AFDN: variants seen among roughly 807,000 people sequenced by gnomAD.
The protein encoded by AFDN is afadin, adherens junction formation factor, also known as afadin.
Under a neutral mutation model 216.6 loss-of-function variants are expected in AFDN, and 68 were observed. The observed-to-expected ratio is 0.31, with a 90% CI of 0.26 to 0.38. The LOEUF (loss-of-function observed/expected upper bound fraction) is 0.38, where lower values mean the gene tolerates loss of function less well. Among genes scored for constraint, AFDN ranks in the 10% least tolerant of loss-of-function variants. The pLI, the probability that AFDN is intolerant of heterozygous loss-of-function variation, is 1.00. For missense variants in AFDN, 2,136 were observed against 2,342.0 expected (o/e 0.91, Z 1.82); for synonymous variants, 868 against 853.7 (o/e 1.02, Z -0.29).
intron 3 of AFDN, among the ~76,000 whole-genome samples, chr6:167,871,372 A>C (rs929404599): frequency 6.6e-6 from 1 of 152,144 alleles, no homozygotes; most frequent in African/African-American, 2.4e-5. Context: ...ATGCTCTTTC[A>C]TTCTGTATAT....
intron 19 of AFDN, among the ~76,000 whole-genome samples, chr6:167,916,630 A>C (rs2058399665): frequency 6.6e-6 from 1 of 152,210 alleles, no homozygotes; most frequent in South Asian, 2.1e-4. Flanking sequence ...AGTCATCTAC[A>C]GCTTAAAAAC....
At chr6:167,847,468 G>T (rs778791342) in intron 1 of AFDN, among the ~76,000 whole-genome samples, 37 of 152,054 alleles carry the variant, frequency 2.4e-4, no homozygotes, top group Non-Finnish European at 4.0e-4. Context: ...ACTCTCATCG[G>T]CACCGCACTC....
intron 6 of AFDN, among the ~76,000 whole-genome samples, chr6:167,883,244 T>A (rs1175334237): frequency 6.6e-6 from 1 of 152,150 alleles, no homozygotes; most frequent in Non-Finnish European, 1.5e-5. Flanking sequence ...TTGGAGATAA[T>A]GTCCAAGACT....
intron 1 of AFDN, among the ~76,000 whole-genome samples, chr6:167,838,990 G>A (rs955352837): frequency 8.5e-5 from 13 of 152,116 alleles, no homozygotes; most frequent in South Asian, 4.2e-4. Flanking sequence ...TTAATGTAGC[G>A]TTTGCCTTTA....
intron 6 of AFDN, among the ~76,000 whole-genome samples, chr6:167,883,510 C>T (rs897461203): frequency 3.3e-5 from 5 of 152,210 alleles, no homozygotes; most frequent in Non-Finnish European, 7.3e-5. Context: ...TATACAGGCA[C>T]ACCTCAGAGA....
At position 167,971,088 on chromosome 6, in the gene AFDN, A is replaced by G; in HGVS notation, c.*1153A>G. On this transcript the variant is annotated 3_prime_UTR_variant, in exon 34 of 34. Transcript: ENST00000683244. ...GGCTGATGTTGGGGAGACGGACCTC[A>G]GTGTGTTTTATATTGTCTGGTGTTA... The G allele has an allele frequency of 4.5e-6, 1 of 220,856 alleles. No individual in the cohort carries two copies. The highest frequency in any genetic ancestry group is 9.1e-6 in the Non-Finnish European group (1 of 110,326). The allele number at this position is 220,856 out of a possible 1,614,324, so 13.7% of individuals were successfully genotyped here. A position where few individuals can be genotyped will look rare whatever the true frequency, so the allele number is the denominator to read the frequency against.
intron 1 of AFDN, among the ~76,000 whole-genome samples, chr6:167,830,683 T>G (rs958123059): frequency 3.3e-5 from 5 of 152,182 alleles, no homozygotes; most frequent in African/African-American, 1.2e-4. Flanking sequence ...AACCCAGAAT[T>G]TATGTGGACA....
At chr6:167,919,998 TAAA>T (rs1227770228) in intron 21 of AFDN, among the ~76,000 whole-genome samples, 1 of 152,230 alleles carries the variant, frequency 6.6e-6, no homozygotes, top group Non-Finnish European at 1.5e-5. Flanking sequence ...TTCTGATAGT[TAAA>T]AAAATCATTT....
At chr6:167,899,732 A>G (rs1003370701) in intron 11 of AFDN, among the ~76,000 whole-genome samples, 2 of 152,218 alleles carry the variant, frequency 1.3e-5, no homozygotes, top group Non-Finnish European at 2.9e-5. Context: ...GTATTGTCTG[A>G]AACAGTTTCT....
In AFDN at chr6:167,911,904, C is replaced by T. The variant is rs199687102; in HGVS notation, c.2037+415C>T. The T allele has an allele frequency of 9.2e-5, 20 of 218,176 alleles. No individual in the cohort carries two copies. In the East Asian group the frequency reaches 2.1e-3, roughly 23 times the overall value. The allele number at this position is 218,176 out of a possible 1,614,324, so 13.5% of individuals were successfully genotyped here. A position where few individuals can be genotyped will look rare whatever the true frequency, so the allele number is the denominator to read the frequency against. The stretch of plus-strand genomic sequence containing the variant: ...GTCGGTTCCAAAACGTCTCCATCAC[C>T]TCAGAGCGATACCCCTCAAGTAGTT... On this transcript the variant is annotated intron_variant, in intron 15 of 33. Coordinates refer to ENST00000683244, the MANE Select transcript of AFDN (RefSeq NM_001386888.1).
rs1796016791 is a variant in AFDN, at chr6:167,951,795, C to T, written c.4441C>T (p.Gln1481Ter). Residue 1481 changes from glutamine (Q) to a stop codon, truncating the protein, a stop_gained, in exon 30 of 34, where the codon CAG becomes TAG. Transcript: ENST00000683244. LOFTEE classifies it high-confidence loss of function. The surrounding 1 kb of genome is among the most constrained non-coding windows in gnomAD (Gnocchi z 7.1). ...AAAGCCTTCCACACTCCAGCGGCCA[C>T]AGGAAACAGTCATTCGGGAGCTGCA... Reference protein sequence around the residue: ...PEKPSTLQRPQETVIRELQPQ... With the variant: ...PEKPSTLQRP The T allele has an allele frequency of 1.2e-6, 2 of 1,614,062 alleles. No homozygotes were observed. Among genetic ancestry groups the T allele is most frequent in the Non-Finnish European group, 1.7e-6 (2 of 1,180,040 alleles).
chr6:167,966,206 C>A, intron 32 of AFDN, 161 bp downstream of exon 32: 1 of 1,533,728 alleles, frequency 6.5e-7, no homozygotes. Context: ...GTACTGCTCA[C>A]AAAAAAGGCC....
chr6:167,951,795 C>CA lies in AFDN; in HGVS notation c.4442dup (p.Glu1482GlyfsTer106), dbSNP rs1467808975. On this transcript the variant is annotated frameshift_variant, in exon 30 of 34. Transcript: ENST00000683244. LOFTEE classifies it high-confidence loss of function. This position sits in a 1 kb window ranked among gnomAD's most constrained non-coding sequence, Gnocchi z 7.1. ...AAAGCCTTCCACACTCCAGCGGCCA[C>CA]AGGAAACAGTCATTCGGGAGCTGCA... The CA allele has an allele frequency of 6.2e-7, 1 of 1,614,180 alleles. No homozygotes were observed. The highest frequency in any genetic ancestry group is 2.2e-5 in the East Asian group (1 of 44,864).
intron 1 of AFDN, among the ~76,000 whole-genome samples, chr6:167,837,228 T>A (rs139540748): frequency 6.6e-6 from 1 of 152,206 alleles, no homozygotes; most frequent in Non-Finnish European, 1.5e-5. Context: ...GGAGCTAGTA[T>A]GTTTGCTTCA....
In AFDN at chr6:167,826,933, G is replaced by GGCGGC. The variant is rs557330186; in HGVS notation, c.-185_-181dup. ...GGCGCACACCGGCCGGCGGGGCTGA[G>GGCGGC]GCGGCGCGGCGCGGCGCGGACTGAG... On this transcript the variant is annotated 5_prime_UTR_variant, in exon 1 of 34. Coordinates refer to ENST00000683244, the MANE Select transcript of AFDN (RefSeq NM_001386888.1). 0.011 allele frequency: 1,573 copies of GGCGGC among 146,234 alleles called. 22 individuals are homozygous for GGCGGC. The highest frequency in any genetic ancestry group is 0.029 in the African/African-American group (1,196 of 40,560). The allele number at this position is 146,234 out of a possible 1,614,324, so 9.1% of individuals were successfully genotyped here. A position where few individuals can be genotyped will look rare whatever the true frequency, so the allele number is the denominator to read the frequency against.
In AFDN at chr6:167,875,488, T is replaced by G; in HGVS notation, c.732T>G (p.Pro244=). 1 of 1,613,538 alleles carries G rather than the reference T, an allele frequency of 6.2e-7. No homozygotes were observed. The highest frequency in any genetic ancestry group is 1.3e-5 in the African/African-American group (1 of 74,982). Residue 244 remains proline (P), a synonymous_variant, in exon 5 of 34, where the codon CCT becomes CCG. Transcript: ENST00000683244. ...MQEFRSSDGR[P]DSGGTLRIYA... is the part of the protein sequence containing the mutation. Reference sequence around the variant, plus strand: ...AATTTCGGAGCTCAGATGGGCGGCCTGATTCAGGTACAACTTGGTATTTTT... The same window carrying G: ...AATTTCGGAGCTCAGATGGGCGGCCGGATTCAGGTACAACTTGGTATTTTT...
intron 5 of AFDN, among the ~76,000 whole-genome samples, chr6:167,879,754 C>T (rs890678078): frequency 2.6e-5 from 4 of 152,126 alleles, no homozygotes; most frequent in Non-Finnish European, 5.9e-5. Flanking sequence ...CTATAAAGGA[C>T]ATTGTAGTTT....
chr6:167,837,280 T>C (rs1406012102), intron 1 of AFDN, among the ~76,000 whole-genome samples: 2 of 152,214 alleles, frequency 1.3e-5, no homozygotes, highest in South Asian at 2.1e-4. Flanking sequence ...TTCTTTCCAT[T>C]ATTCAAATAT....
intron 6 of AFDN, among the ~76,000 whole-genome samples, chr6:167,881,238 A>T (rs1176529838): frequency 1.3e-5 from 2 of 152,116 alleles, no homozygotes; most frequent in African/African-American, 2.4e-5. Flanking sequence ...TATAACTTTT[A>T]TGTTTTTGCT....
Sources: gnomAD v4.1 joint callset for allele counts (sites outside exome capture counted in the v4.1 genomes callset) on GRCh38, gnomAD v4.1.1 for gene constraint, Gnocchi (gnomAD v3.1) non-coding constraint, MANE v1.5 for transcripts, NCBI Gene and HGNC (gene_info 2026-07-23, HGNC 2026-07-21) for gene names.